Variants in PCDH9 observed in about 807,000 individuals in gnomAD.
PCDH9 encodes the protein protocadherin 9.
A neutral mutation model predicts 70.6 loss-of-function variants in PCDH9; 24 were observed. The observed-to-expected ratio is 0.34, with a 90% CI of 0.25 to 0.48. The LOEUF is 0.48. PCDH9 is among the 20% of genes least tolerant of loss of function. PCDH9 has a pLI of 0.99. For synonymous variants in PCDH9, 562 were observed against 558.5 expected (o/e 1.01, Z -0.09); for missense variants, 1,281 against 1,503.6 (o/e 0.85, Z 2.45).
At chr13:67,128,663 A>G (rs915039102) in intron 2 of PCDH9, among the ~76,000 whole-genome samples, 1 of 152,142 alleles carries the variant, frequency 6.6e-6, no homozygotes, top group Admixed American at 6.6e-5. Flanking sequence ...TGCTTTGGTT[A>G]AAGTGTGGAA....
chr13:66,403,700 C>G (rs1957229649), intron 4 of PCDH9, among the ~76,000 whole-genome samples: 1 of 151,800 alleles, frequency 6.6e-6, no homozygotes. Flanking sequence ...CACTCTTTAC[C>G]CATTAAAAAT....
chr13:66,872,230 C>T (rs2139511557), intron 3 of PCDH9, among the ~76,000 whole-genome samples: 1 of 152,194 alleles, frequency 6.6e-6, no homozygotes, highest in East Asian at 1.9e-4. Flanking sequence ...TCATTATGTG[C>T]TTCAACTATG....
At chr13:66,494,250 C>T (rs1959079726) in intron 4 of PCDH9, among the ~76,000 whole-genome samples, 1 of 151,964 alleles carries the variant, frequency 6.6e-6, no homozygotes. Context: ...TTTAAGATGG[C>T]AAAACTTCAG....
chr13:66,653,972 T>TCAAAAA (rs2077889415), intron 3 of PCDH9, among the ~76,000 whole-genome samples: 1 of 3,220 alleles, frequency 3.1e-4, no homozygotes, highest in Non-Finnish European at 1.3e-3. Flanking sequence ...CGTCTCAAAA[T>TCAAAAA]TAAAAAAAAA....
At chr13:66,898,145 G>A (rs1007879083) in intron 3 of PCDH9, among the ~76,000 whole-genome samples, 1 of 152,008 alleles carries the variant, frequency 6.6e-6, no homozygotes, top group Non-Finnish European at 1.5e-5. Flanking sequence ...CACAGTGACT[G>A]AGATGTAAAA....
chr13:67,007,168 A>G (rs2084369596), intron 2 of PCDH9, among the ~76,000 whole-genome samples: 1 of 152,114 alleles, frequency 6.6e-6, no homozygotes, highest in Admixed American at 6.6e-5. Flanking sequence ...ATTCTCCAAA[A>G]CTTCCAAAAC....
At chr13:66,507,864 GGT>G (rs1566378111) in intron 4 of PCDH9, among the ~76,000 whole-genome samples, 4 of 152,182 alleles carry the variant, frequency 2.6e-5, no homozygotes, top group South Asian at 4.1e-4. Context: ...TGGGACTACT[GGT>G]GTGTGCCCCC....
At chr13:66,583,405 G>A (rs1480502479) in intron 4 of PCDH9, among the ~76,000 whole-genome samples, 1 of 152,046 alleles carries the variant, frequency 6.6e-6, no homozygotes, top group Non-Finnish European at 1.5e-5. Flanking sequence ...GAGGTCAGGA[G>A]ATTGAGATCA....
Position 66,681,950 on chromosome 13 carries a change from C to CATATATATATATATATATATATATAT in PCDH9, c.3139-50540_3139-50539insATATATATATATATATATATATATAT, listed in dbSNP as rs56280836. On this transcript the variant is annotated intron_variant, in intron 3 of 4. Coordinates refer to ENST00000377865, the MANE Select transcript of PCDH9 (RefSeq NM_203487.3). Reference sequence around the variant, plus strand: ...CTGGGTACATATGAGTATATACAAACATATATATATATATATATTTGAGAG... The same window carrying CATATATATATATATATATATATATAT: ...CTGGGTACATATGAGTATATACAAACATATATATATATATATATATATATATATATATATATATATATATTTGAGAG... Among the ~76,000 whole-genome samples the CATATATATATATATATATATATATAT allele has an allele frequency of 1.0e-2, 1,299 of 129,934 alleles. 30 individuals are homozygous for CATATATATATATATATATATATATAT. The highest frequency in any genetic ancestry group is 0.019 in the African/African-American group (609 of 32,024). The allele number at this position is 129,934 out of a possible 152,430, so 85.2% of individuals were successfully genotyped here. A position where few individuals can be genotyped will look rare whatever the true frequency, so the allele number is the denominator to read the frequency against.
At chr13:67,073,610 A>G (rs900686468) in intron 2 of PCDH9, among the ~76,000 whole-genome samples, 3 of 152,084 alleles carry the variant, frequency 2.0e-5, no homozygotes, top group African/African-American at 7.2e-5. Context: ...CTAAATGTAC[A>G]TAGTTTTGAG....
intron 4 of PCDH9, among the ~76,000 whole-genome samples, chr13:66,628,597 C>A (rs181497415): frequency 1.3e-5 from 2 of 152,178 alleles, no homozygotes; most frequent in African/African-American, 4.8e-5. Context: ...GACTCCTGGT[C>A]TCAAGTGAAC....
At chr13:66,954,078 T>A (rs1359106455) in intron 2 of PCDH9, among the ~76,000 whole-genome samples, 1 of 152,182 alleles carries the variant, frequency 6.6e-6, no homozygotes, top group Admixed American at 6.5e-5. Context: ...GGGCCATCCA[T>A]CTAAAACAGT....
chr13:66,307,015 T>C (rs1428235156), intron 4 of PCDH9, among the ~76,000 whole-genome samples: 4 of 152,078 alleles, frequency 2.6e-5, no homozygotes, highest in African/African-American at 7.2e-5. Flanking sequence ...ATTTAATTAC[T>C]GACCTCTTCA....
chr13:66,921,683 A>G (rs987658768), intron 2 of PCDH9, among the ~76,000 whole-genome samples: 12 of 151,332 alleles, frequency 7.9e-5, no homozygotes, highest in African/African-American at 2.9e-4. Context: ...CACAGGATTT[A>G]TGTCTCAGAA....
chr13:66,373,332 G>A (rs1009676102), intron 4 of PCDH9, among the ~76,000 whole-genome samples: 7 of 151,892 alleles, frequency 4.6e-5, no homozygotes, highest in South Asian at 2.1e-4. Flanking sequence ...CAGTGGTGGC[G>A]GGTTGGGGGG....
chr13:66,902,838 A>G (rs2082299005), intron 3 of PCDH9, among the ~76,000 whole-genome samples: 1 of 151,812 alleles, frequency 6.6e-6, no homozygotes, highest in African/African-American at 2.4e-5. Context: ...CATGAAAGAT[A>G]GTAGATTTCT....
At chr13:67,095,265 T>A (rs961896963) in intron 2 of PCDH9, among the ~76,000 whole-genome samples, 13 of 152,174 alleles carry the variant, frequency 8.5e-5, no homozygotes, top group African/African-American at 3.1e-4. Context: ...CAACTCTATA[T>A]ATCACAATTG....
intron 4 of PCDH9, among the ~76,000 whole-genome samples, chr13:66,422,146 C>T (rs1434271284): frequency 6.6e-6 from 1 of 152,102 alleles, no homozygotes; most frequent in East Asian, 1.9e-4. Context: ...CAGGAGCACC[C>T]AGATTCATAA....
chr13:67,153,572 C>T (rs1270511585), intron 2 of PCDH9, among the ~76,000 whole-genome samples: 1 of 152,160 alleles, frequency 6.6e-6, no homozygotes, highest in African/African-American at 2.4e-5. Flanking sequence ...CACCTAGAAA[C>T]GTCTGTTTCA....
Sources: allele counts gnomAD v4.1 joint callset (sites outside exome capture counted in the v4.1 genomes callset), GRCh38; gene constraint gnomAD v4.1.1; transcripts MANE v1.5; gene names NCBI Gene and HGNC (gene_info 2026-07-23, HGNC 2026-07-21).